Variants in R3HDM1 observed in about 807,000 individuals in gnomAD.
R3HDM1 encodes the protein R3H domain containing 1, also known as R3H domain-containing protein 1.
R3HDM1 carries 46 observed loss-of-function variants against 141.1 expected under a neutral mutation model. The observed-to-expected ratio is 0.33, with a 90% confidence interval of 0.26 to 0.42. The LOEUF is 0.42. Among genes scored for constraint, R3HDM1 ranks in the 10% least tolerant of loss-of-function variants. R3HDM1 has a pLI of 1.00. For synonymous variants in R3HDM1, 435 were observed against 472.9 expected, an observed-to-expected ratio of 0.92 and a Z score of 1.04; for missense variants, 1,184 against 1,368.3, an observed-to-expected ratio of 0.87 and a Z score of 2.12.
chr2:135,692,394 G>A lies in R3HDM1; in HGVS notation c.2459+12070G>A, dbSNP rs529780951. 2.6e-4 allele frequency among the ~76,000 whole-genome samples: 39 copies of A among 152,306 alleles called. No homozygotes were observed. The East Asian group carries it at 7.4e-3, about 29-fold the overall frequency. The stretch of plus-strand genomic sequence containing the variant: ...GCGGGTGGATCACCTGAGGTCAGGA[G>A]TTCTAGACCACCCTGGCCAACAGGG... On this transcript the variant is annotated intron_variant, in intron 21 of 26. Transcript: ENST00000683871.
At chr2:135,550,588 T>G (rs965955635) in intron 1 of R3HDM1, among the ~76,000 whole-genome samples, 1 of 152,242 alleles carries the variant, frequency 6.6e-6, no homozygotes, top group African/African-American at 2.4e-5. Context: ...GTAATTGGTG[T>G]TCTTGTTTGT....
intron 19 of R3HDM1, chr2:135,665,336 C>A: frequency 2.0e-6 from 1 of 495,440 alleles, no homozygotes; most frequent in Non-Finnish European, 4.3e-6. Flanking sequence ...TCTTATGACT[C>A]TTGACAAGTT....
intron 18 of R3HDM1, among the ~76,000 whole-genome samples, chr2:135,657,105 A>AAG (rs981893892): frequency 6.6e-6 from 1 of 150,606 alleles, no homozygotes; most frequent in African/African-American, 2.4e-5. Context: ...CAATTAAAAA[A>AAG]AGAGAGAGAG....
At chr2:135,711,190 G>A (rs560950055) in intron 23 of R3HDM1, among the ~76,000 whole-genome samples, 3 of 152,120 alleles carry the variant, frequency 2.0e-5, no homozygotes, top group Admixed American at 6.5e-5. Flanking sequence ...AATATAAGAA[G>A]AAACAAAAAC....
intron 18 of R3HDM1, among the ~76,000 whole-genome samples, chr2:135,659,325 G>A (rs2066380665): frequency 6.6e-6 from 1 of 152,000 alleles, no homozygotes; most frequent in South Asian, 2.1e-4. Context: ...TTGAACTCCT[G>A]AGCTCAAGTG....
intron 1 of R3HDM1, chr2:135,597,178 A>G: frequency 4.1e-6 from 4 of 973,296 alleles, no homozygotes; most frequent in Non-Finnish European, 3.7e-6. Context: ...CTTGCTTATA[A>G]TGTCCTCCTA....
intron 24 of R3HDM1, among the ~76,000 whole-genome samples, chr2:135,717,626 C>T (rs1185579708): frequency 6.6e-6 from 1 of 152,070 alleles, no homozygotes; most frequent in Non-Finnish European, 1.5e-5. Context: ...ATGCTTATTA[C>T]CTGGGTGATA....
At chr2:135,533,766 C>G (rs1420563922) in intron 1 of R3HDM1, among the ~76,000 whole-genome samples, 2 of 152,130 alleles carry the variant, frequency 1.3e-5, no homozygotes, top group Non-Finnish European at 2.9e-5. Context: ...GTAATCTCAG[C>G]TACTCGGGAG....
chr2:135,661,503 G>A, intron 19 of R3HDM1, 110 bp downstream of exon 19: 1 of 1,357,010 alleles, frequency 7.4e-7, no homozygotes, highest in Admixed American at 2.0e-5. Context: ...TCTCGAATAT[G>A]TTCATACATA....
intron 11 of R3HDM1, among the ~76,000 whole-genome samples, chr2:135,637,417 G>T (rs2063365829): frequency 6.6e-6 from 1 of 152,256 alleles, no homozygotes; most frequent in South Asian, 2.1e-4. Context: ...CACTATGGGA[G>T]CACTGAGGTG....
intron 19 of R3HDM1, chr2:135,670,264 T>G: frequency 7.4e-6 from 7 of 946,858 alleles, no homozygotes; most frequent in South Asian, 4.9e-5. Flanking sequence ...ATATTTTAAG[T>G]GAAAAGACAG....
At chr2:135,708,284 T>C (rs2075185988) in intron 21 of R3HDM1, among the ~76,000 whole-genome samples, 1 of 152,176 alleles carries the variant, frequency 6.6e-6, no homozygotes, top group African/African-American at 2.4e-5. Flanking sequence ...TGTATTTCCT[T>C]CTGCCCCGCA....
At position 135,581,866 on chromosome 2, in the gene R3HDM1, T is replaced by C. The variant is rs551276978; in HGVS notation, c.-249-20634T>C. Among the ~76,000 whole-genome samples the C allele has an allele frequency of 5.3e-5, 8 of 152,348 alleles. No individual in the cohort carries two copies. The South Asian group carries it at 1.2e-3, about 24-fold the overall frequency. ...TCTCTCAGTTTATGTTCTTAATTTC[T>C]TTGCATCATTATCCTCAACTTAGAT... On this transcript the variant is annotated intron_variant, in intron 1 of 26. Transcript: ENST00000683871.
At chr2:135,715,788 T>C in intron 24 of R3HDM1, 94 bp downstream of exon 24, 2 of 1,454,036 alleles carry the variant, frequency 1.4e-6, no homozygotes, top group Non-Finnish European at 1.9e-6. Context: ...TGCCTTTCTA[T>C]TTTCCATAGA....
At chr2:135,618,666 GC>G (rs1209515092) in intron 5 of R3HDM1, among the ~76,000 whole-genome samples, 6 of 151,994 alleles carry the variant, frequency 3.9e-5, no homozygotes, top group African/African-American at 1.5e-4. Context: ...AAGCTGAAGA[GC>G]TATATAATAC....
chr2:135,638,971 A>C lies in R3HDM1; in HGVS notation c.1068A>C (p.Glu356Asp), dbSNP rs1457972010. 1 of 1,614,198 alleles carries C rather than the reference A, an allele frequency of 6.2e-7. No individual in the cohort carries two copies. Among genetic ancestry groups the C allele is most frequent in the Non-Finnish European group, 8.5e-7 (1 of 1,180,038 alleles). The change falls in exon 14 of 27, where the codon GAA becomes GAC. Residue 356 changes from glutamate (E) to aspartate (D), a missense_variant. Glu to Asp is a conservative substitution (Grantham distance 45, BLOSUM62 2). Around this residue, in one of 5 missense-constraint regions of R3HDM1, gnomAD observed 240 missense variants for 312.3 expected, o/e 0.77. Transcript: ENST00000683871. ...SSTENELKYSEPRPWSSTDSD... is the reference protein window; with the variant it reads ...SSTENELKYSDPRPWSSTDSD... ...CTGAGAATGAGTTGAAGTACTCGGA[A>C]CCACGACCCTGGAGCAGCACAGATT...
chr2:135,551,947 G>A (rs2104930422), intron 1 of R3HDM1, among the ~76,000 whole-genome samples: 1 of 152,244 alleles, frequency 6.6e-6, no homozygotes, highest in South Asian at 2.1e-4. Flanking sequence ...ATTTATGACT[G>A]TATCATAAAT....
At chr2:135,691,687 G>A (rs2072412803) in intron 21 of R3HDM1, among the ~76,000 whole-genome samples, 1 of 151,882 alleles carries the variant, frequency 6.6e-6, no homozygotes, top group Admixed American at 6.6e-5. Flanking sequence ...TAGCTACGTG[G>A]GAGGCTAAAG....
At chr2:135,534,631 G>A (rs1214020215) in intron 1 of R3HDM1, among the ~76,000 whole-genome samples, 1 of 152,228 alleles carries the variant, frequency 6.6e-6, no homozygotes, top group Admixed American at 6.5e-5. Context: ...AAGACAAGCT[G>A]CACCTTATGC....
Sources: gnomAD v4.1 joint callset for allele counts (sites outside exome capture counted in the v4.1 genomes callset) on GRCh38, gnomAD v4.1.1 for gene constraint, gnomAD v4.1.1 regional missense constraint, MANE v1.5 for transcripts, NCBI Gene and HGNC (gene_info 2026-07-23, HGNC 2026-07-21) for gene names.